The following MGAM2 variants were observed in gnomAD, a reference collection of about 807,000 sequenced individuals.
The protein encoded by MGAM2 is maltase-glucoamylase 2 (putative).
MGAM2 carries 98 observed loss-of-function variants against 96.1 expected under a neutral mutation model. That is an observed-to-expected ratio of 1.02 (90% confidence interval 0.87 to 1.21). MGAM2 has a LOEUF of 1.21. Among genes scored for constraint, MGAM2 ranks in the 50% most tolerant of loss-of-function variants. MGAM2 has a pLI of 0.00. For missense variants in MGAM2, 2,055 were observed against 1,182.4 expected (o/e 1.74, Z -10.82); for synonymous variants, 749 against 414.8 (o/e 1.81, Z -9.79).
chr7:142,192,143 T>C (rs1164214000), intron 37 of MGAM2, among the ~76,000 whole-genome samples: 1 of 152,100 alleles, frequency 6.6e-6, no homozygotes, highest in Non-Finnish European at 1.5e-5. Context: ...TACTATTTGA[T>C]TTTGGGCTAT....
intron 32 of MGAM2, among the ~76,000 whole-genome samples, chr7:142,179,704 A>G (rs952400412): frequency 6.6e-6 from 1 of 152,070 alleles, no homozygotes; most frequent in Non-Finnish European, 1.5e-5. Flanking sequence ...AGGGTTATGG[A>G]GGAAAGCCTA....
intron 4 of MGAM2, 102 bp from the exon 5 acceptor site, chr7:142,131,416 C>A: frequency 1.6e-6 from 1 of 638,522 alleles, no homozygotes. Context: ...CAGCCTGGGC[C>A]ACAGGGCAAG....
At chr7:142,119,413 A>G (rs571112150) in intron 2 of MGAM2, among the ~76,000 whole-genome samples, 17 of 152,324 alleles carry the variant, frequency 1.1e-4, no homozygotes, top group Non-Finnish European at 2.1e-4. Flanking sequence ...AAAAACAGAT[A>G]AAAACAAGTG....
chr7:142,154,755 C>G lies in MGAM2; in HGVS notation c.1833C>G (p.Asn611Lys). ...PMVGANICGY[N>K]NNVTEELCRR... ...TAGGTGCCAACATCTGTGGTTATAA[C>G]AACAATGTCACAGAGGAGCTCTGCA... Residue 611 changes from asparagine (N) to lysine (K), a missense_variant, in exon 17 of 48, where the codon AAC becomes AAG. Coordinates refer to ENST00000477922, the MANE Select transcript of MGAM2 (RefSeq NM_001293626.2). 1.4e-6 allele frequency: 1 copy of G among 703,258 alleles called. No homozygotes were observed. The highest frequency in any genetic ancestry group is 1.7e-5 in the African/African-American group (1 of 57,358). The allele number at this position is 703,258 out of a possible 1,614,324, so 43.6% of individuals were successfully genotyped here.
intron 2 of MGAM2, among the ~76,000 whole-genome samples, chr7:142,118,739 A>T (rs1794458948): frequency 6.6e-6 from 1 of 152,172 alleles, no homozygotes. Flanking sequence ...CTAAAGAAAA[A>T]ACAGTAAGAA....
At chr7:142,196,629 C>T (rs750157991) in intron 39 of MGAM2, 30 bp downstream of exon 39, 5 of 735,386 alleles carry the variant, frequency 6.8e-6, no homozygotes, top group Non-Finnish European at 1.3e-5. Context: ...TTACTAATTG[C>T]CCAGTCAGAT....
intron 1 of MGAM2, among the ~76,000 whole-genome samples, chr7:142,114,194 G>GAAAC (rs1464733591): frequency 7.3e-6 from 1 of 136,982 alleles, no homozygotes; most frequent in Non-Finnish European, 1.5e-5. Context: ...AAGAAAGAAA[G>GAAAC]AAAGAAAGAA....
At chr7:142,194,243 G>T (rs1041528110) in intron 37 of MGAM2, among the ~76,000 whole-genome samples, 10 of 152,214 alleles carry the variant, frequency 6.6e-5, no homozygotes, top group South Asian at 4.2e-4. Flanking sequence ...TGTTGGCCAG[G>T]CTAGTCTCGA....
rs1352571547 is a variant in MGAM2, at chr7:142,203,275, T to C, written c.5137+3307T>C. Among the ~76,000 whole-genome samples the C allele has an allele frequency of 2.6e-5, 4 of 152,284 alleles. No homozygotes were observed. In the East Asian group the frequency reaches 7.7e-4, roughly 29 times the overall value. ...TTTTCACTGTGAAGAAGCTCTGTAG[T>C]TTAATTAAGTCCAACTTGTCAATTT... On this transcript the variant is annotated intron_variant, in intron 45 of 47. Coordinates refer to ENST00000477922, the MANE Select transcript of MGAM2 (RefSeq NM_001293626.2).
In MGAM2 at chr7:142,218,466, G is replaced by C; in HGVS notation, c.5293G>C (p.Val1765Leu). ...GGGTGTGAATACCTATGTGACACAA[G>C]TCAGTTTCACCTATGACAACCGGCA... ...IWGVNTYVTQ[V>L]SFTYDNRQFM... The change falls in exon 47 of 48, where the codon GTC becomes CTC. Residue 1765 changes from valine to leucine, a missense_variant. By Grantham distance (32) the Val-to-Leu change is conservative. Transcript: ENST00000477922. 1.4e-6 allele frequency: 1 copy of C among 702,110 alleles called. No homozygotes were observed. Among genetic ancestry groups the C allele is most frequent in the African/African-American group, 1.7e-5 (1 of 57,342 alleles). The allele number at this position is 702,110 out of a possible 1,614,324, so 43.5% of individuals were successfully genotyped here. A position where few individuals can be genotyped will look rare whatever the true frequency, so the allele number is the denominator to read the frequency against.
At chr7:142,123,287 C>T (rs562055703) in intron 3 of MGAM2, among the ~76,000 whole-genome samples, 42 of 151,146 alleles carry the variant, frequency 2.8e-4, no homozygotes, top group East Asian at 1.2e-3. Context: ...TGGGTATCTT[C>T]GGGTGAACAG....
chr7:142,200,822 T>G lies in MGAM2; in HGVS notation c.5137+854T>G, dbSNP rs571100885. On this transcript the variant is annotated intron_variant, in intron 45 of 47. Transcript: ENST00000477922. ...GAAAATTAGAAAAAAATACAAGCAC[T>G]TTTAATATTTTTGCTGTACTAACTT... is the stretch of plus-strand genomic sequence containing the variant. Among the ~76,000 whole-genome samples, 8 of 152,256 alleles carry G rather than the reference T, an allele frequency of 5.3e-5. No homozygotes were observed. In the East Asian group the frequency reaches 1.5e-3, roughly 29 times the overall value.
chr7:142,184,341 A>G (rs56401529), intron 33 of MGAM2, among the ~76,000 whole-genome samples: 28,627 of 151,874 alleles, frequency 0.19, 2,983 homozygotes, highest in East Asian at 0.34. Flanking sequence ...ATCAACTCAA[A>G]TCTTACCTCG....
intron 26 of MGAM2, 135 bp downstream of exon 26, chr7:142,167,621 G>A (rs1487908520): frequency 4.8e-6 from 3 of 624,770 alleles, no homozygotes; most frequent in Non-Finnish European, 8.6e-6. Context: ...CACCCAGGCT[G>A]GAATGCAGGG....
At chr7:142,119,373 A>G (rs61003910) in intron 2 of MGAM2, among the ~76,000 whole-genome samples, 16,023 of 152,212 alleles carry the variant, frequency 0.11, 1,084 homozygotes, top group Admixed American at 0.23. Flanking sequence ...ATAACATATC[A>G]CTTTCACACC....
intron 32 of MGAM2, among the ~76,000 whole-genome samples, chr7:142,180,256 C>T (rs1162851294): frequency 2.0e-5 from 3 of 152,036 alleles, no homozygotes; most frequent in Non-Finnish European, 4.4e-5. Context: ...TTTTCTCAAT[C>T]TAGCAGATGG....
At chr7:142,176,117 C>G (rs1035831167) in intron 32 of MGAM2, among the ~76,000 whole-genome samples, 1 of 135,286 alleles carries the variant, frequency 7.4e-6, no homozygotes, top group Admixed American at 7.7e-5. Flanking sequence ...AAGGGGGGGG[C>G]ATCTCACTGT....
At position 142,167,775 on chromosome 7, in the gene MGAM2, G is replaced by C. The variant is rs575800258; in HGVS notation, c.3027+289G>C. ...TTTTGTAGAGACGGGGTTTTGCCTTGTTTCCCAGGCGGTCTCAAATGTCTA... is the reference window on the plus strand; with the variant it reads ...TTTTGTAGAGACGGGGTTTTGCCTTCTTTCCCAGGCGGTCTCAAATGTCTA... On this transcript the variant is annotated intron_variant, in intron 26 of 47. Coordinates refer to ENST00000477922, the MANE Select transcript of MGAM2 (RefSeq NM_001293626.2). Among the ~76,000 whole-genome samples the C allele has an allele frequency of 9.2e-5, 14 of 152,112 alleles. 1 individual carries two copies. In the South Asian group the frequency reaches 2.7e-3, roughly 29 times the overall value.
At position 142,221,259 on chromosome 7, in the gene MGAM2, A is replaced by T. The variant is rs536134983; in HGVS notation, c.6748A>T (p.Ile2250Leu). The change falls in exon 48 of 48, where the codon ATA (isoleucine) becomes TTA (leucine). Residue 2250 changes from isoleucine to leucine, a missense_variant. Physicochemically the swap from Ile to Leu is conservative, Grantham distance 5. Coordinates refer to ENST00000477922, the MANE Select transcript of MGAM2 (RefSeq NM_001293626.2). ...FLLATMSAGNITSNSISITTT... is the reference protein window; with the variant it reads ...FLLATMSAGNLTSNSISITTT... ...TTTAGCTACAATGTCTGCTGGTAAT[A>T]TAACTAGTAATAGTATTTCCATAAC... is the stretch of plus-strand genomic sequence containing the variant. 1.4e-6 allele frequency: 1 copy of T among 696,000 alleles called. No individual in the cohort carries two copies. Among genetic ancestry groups the T allele is most frequent in the African/African-American group, 1.8e-5 (1 of 57,130 alleles). 43.1% of individuals were successfully genotyped at this position (696,000 alleles called of 1,614,324 possible). A position where few individuals can be genotyped will look rare whatever the true frequency, so the allele number is the denominator to read the frequency against.
Sources: gnomAD v4.1 joint callset for allele counts (sites outside exome capture counted in the v4.1 genomes callset) on GRCh38, gnomAD v4.1.1 for gene constraint, MANE v1.5 for transcripts, NCBI Gene and HGNC (gene_info 2026-07-23, HGNC 2026-07-21) for gene names.